Variants in PTPN3 observed in about 807,000 individuals in gnomAD.
PTPN3 encodes protein tyrosine phosphatase non-receptor type 3.
A neutral mutation model predicts 132.7 loss-of-function variants in PTPN3; 96 were observed. The observed-to-expected ratio is 0.72, with a 90% CI of 0.61 to 0.86. PTPN3 has a LOEUF of 0.86. Ranked by LOEUF, PTPN3 falls within the 40% of genes least tolerant of loss-of-function variation. The pLI, the probability that PTPN3 is intolerant of heterozygous loss-of-function variation, is 0.00. For synonymous variants in PTPN3, 398 were observed against 429.0 expected, an observed-to-expected ratio of 0.93 and a Z score of 0.89; for missense variants, 1,125 against 1,159.6, an observed-to-expected ratio of 0.97 and a Z score of 0.43.
At position 109,381,733 on chromosome 9, in the gene PTPN3, T is replaced by C; in HGVS notation, c.2583A>G (p.Leu861=). The C allele has an allele frequency of 6.2e-7, 1 of 1,614,228 alleles. No individual in the cohort carries two copies. The highest frequency in any genetic ancestry group is 8.5e-7 in the Non-Finnish European group (1 of 1,180,020). Residue 861 remains leucine (L), a synonymous_variant, in exon 25 of 26, where the codon CTA becomes CTG. Coordinates refer to ENST00000374541, the MANE Select transcript of PTPN3 (RefSeq NM_002829.4). The part of the protein sequence containing the change: ...VLVTMETAMC[L]TERNLPIYPL... The stretch of plus-strand genomic sequence containing the variant: ...GGTAAATGGGCAGGTTCCTCTCAGT[T>C]AGGCACATGGCTGTTTCCATAGTGA...
chr9:109,524,210 C>T, the PTPN3 span, among the ~76,000 whole-genome samples: 1 of 152,064 alleles, frequency 6.6e-6, no homozygotes, highest in African/African-American at 2.4e-5. Flanking sequence ...TATCACTGCA[C>T]ACCAGCCTGG....
intron 14 of PTPN3, among the ~76,000 whole-genome samples, chr9:109,419,378 TTAAC>T (rs746940242): frequency 6.6e-6 from 1 of 152,194 alleles, no homozygotes; most frequent in Admixed American, 6.5e-5. Flanking sequence ...AATTTACAGA[TTAAC>T]TAACGTGCCT....
At chr9:109,440,904 G>A (rs1289743172) in intron 7 of PTPN3, among the ~76,000 whole-genome samples, 1 of 152,154 alleles carries the variant, frequency 6.6e-6, no homozygotes, top group Non-Finnish European at 1.5e-5. Context: ...TAACCACTAG[G>A]GGGAAACAAA....
chr9:109,397,480 C>A (rs1840695934), intron 19 of PTPN3, among the ~76,000 whole-genome samples: 2 of 152,116 alleles, frequency 1.3e-5, no homozygotes, highest in African/African-American at 4.8e-5. Context: ...AAGAGCCCAC[C>A]CCAAGAGGTT....
At chr9:109,500,927 C>CAAAA (rs147542257), upstream of PTPN3, among the ~76,000 whole-genome samples, 1 of 84,240 alleles carries the variant, frequency 1.2e-5, no homozygotes, top group African/African-American at 5.0e-5. Context: ...GATTCTGTCT[C>CAAAA]AAATAAAAAA....
rs770450233 is a variant in PTPN3 at position 109,436,923 on chromosome 9, C to T, written c.635G>A (p.Arg212Gln). 2.8e-5 allele frequency: 45 copies of T among 1,613,936 alleles called. No individual in the cohort carries two copies. Among genetic ancestry groups the T allele is most frequent in the Non-Finnish European group, 3.4e-5 (40 of 1,179,990 alleles). The change falls in exon 9 of 26, where the codon CGG becomes CAG. Residue 212 changes from arginine to glutamine, a missense_variant. Physicochemically the swap from Arg to Gln is conservative, Grantham distance 43. Transcript: ENST00000374541. The stretch of plus-strand genomic sequence containing the variant: ...TTCTACTCCATAGAAGTCGAGGGTC[C>T]GCGCTATGTTGATATAGCAGGATTC... The part of the protein sequence containing the change: ...EAESCYINIA[R>Q]TLDFYGVELH...
intron 12 of PTPN3, among the ~76,000 whole-genome samples, chr9:109,426,703 C>G (rs1484012847): frequency 6.6e-6 from 1 of 152,150 alleles, no homozygotes; most frequent in Non-Finnish European, 1.5e-5. Flanking sequence ...CAGGGTACAG[C>G]TGCCATTCTG....
chr9:109,498,742 C>A (rs1011997839), upstream of PTPN3, among the ~76,000 whole-genome samples: 1 of 152,086 alleles, frequency 6.6e-6, no homozygotes, highest in Non-Finnish European at 1.5e-5. The surrounding 1 kb of genome is among the most constrained non-coding windows in gnomAD (Gnocchi z 4.2). Context: ...TCGTGGGACC[C>A]CTACCTGATC....
At chr9:109,407,021 C>T (rs1841623410) in intron 17 of PTPN3, among the ~76,000 whole-genome samples, 1 of 152,144 alleles carries the variant, frequency 6.6e-6, no homozygotes, top group Non-Finnish European at 1.5e-5. Context: ...CTTTTGTAAG[C>T]TTCACAACAG....
intron 7 of PTPN3, among the ~76,000 whole-genome samples, chr9:109,442,388 A>G (rs1844549220): frequency 1.3e-5 from 2 of 152,126 alleles, no homozygotes; most frequent in Non-Finnish European, 2.9e-5. Flanking sequence ...TGCAATATAT[A>G]TATTTATTGA....
At chr9:109,449,810 A>G (rs1290706012) in intron 5 of PTPN3, 1 of 985,366 alleles carries the variant, frequency 1.0e-6, no homozygotes. Context: ...CACAATTGAA[A>G]CAAATCAGTT....
intron 1 of PTPN3, among the ~76,000 whole-genome samples, chr9:109,470,694 C>CAA (rs11387851): frequency 2.2e-3 from 320 of 143,756 alleles, no homozygotes; most frequent in Middle Eastern, 0.011. Context: ...AGACCTCATC[C>CAA]AAAAAAAAAA....
chr9:109,409,007 G>A (rs545590201), intron 16 of PTPN3, among the ~76,000 whole-genome samples: 1 of 151,222 alleles, frequency 6.6e-6, no homozygotes, highest in African/African-American at 2.4e-5. Context: ...TGGCAGCTGG[G>A]GGGTAGGCGA....
the PTPN3 span, among the ~76,000 whole-genome samples, chr9:109,505,096 G>C: frequency 1.3e-5 from 2 of 152,188 alleles, no homozygotes. Flanking sequence ...CTAGGGAGGA[G>C]AGTCAGTAAT....
chr9:109,452,983 A>G (rs1845353067), intron 5 of PTPN3, among the ~76,000 whole-genome samples: 2 of 152,148 alleles, frequency 1.3e-5, no homozygotes, highest in Non-Finnish European at 2.9e-5. Flanking sequence ...TGCTGGGCTG[A>G]GTGTTTCTAT....
intron 4 of PTPN3, among the ~76,000 whole-genome samples, chr9:109,456,287 A>C (rs761351152): frequency 2.0e-5 from 3 of 152,240 alleles, no homozygotes; most frequent in Non-Finnish European, 4.4e-5. Flanking sequence ...AAATATAACA[A>C]GGGTCCTAAC....
chr9:109,493,868 C>T (rs1847568256), intron 1 of PTPN3, among the ~76,000 whole-genome samples: 1 of 152,190 alleles, frequency 6.6e-6, no homozygotes, highest in African/African-American at 2.4e-5. Context: ...TCAGCCCCCA[C>T]CTACTTGTAC....
the PTPN3 span, among the ~76,000 whole-genome samples, chr9:109,508,056 A>T: frequency 6.6e-6 from 1 of 152,222 alleles, no homozygotes; most frequent in East Asian, 1.9e-4. Flanking sequence ...TGCCTGTTGA[A>T]ATCCTGGTTA....
chr9:109,394,471 T>G (rs1182988510), intron 19 of PTPN3, among the ~76,000 whole-genome samples: 1 of 151,172 alleles, frequency 6.6e-6, no homozygotes, highest in East Asian at 1.9e-4. Flanking sequence ...TTTTTTTTTT[T>G]GAGACACGTT....
Sources: allele counts gnomAD v4.1 joint callset (sites outside exome capture counted in the v4.1 genomes callset), GRCh38; gene constraint gnomAD v4.1.1; non-coding constraint Gnocchi (gnomAD v3.1); transcripts MANE v1.5; gene names NCBI Gene and HGNC (gene_info 2026-07-23, HGNC 2026-07-21).